COL5A2: variants seen among roughly 807,000 people sequenced by gnomAD.
COL5A2 encodes collagen alpha-2(V) chain.
A neutral mutation model predicts 208.2 loss-of-function variants in COL5A2; 23 were observed. The ratio of observed to expected loss-of-function variants is 0.11; its 90% confidence interval spans 0.08 to 0.16. The LOEUF is 0.16. Ranked by LOEUF, COL5A2 falls within the 10% of genes least tolerant of loss-of-function variation. The probability of loss-of-function intolerance (pLI) is 1.00; values close to 1 mark genes in which losing one functional copy is unlikely to be tolerated. For missense variants in COL5A2, 1,590 were observed against 1,956.4 expected (o/e 0.81, Z 3.53); for synonymous variants, 625 against 628.5 (o/e 0.99, Z 0.08).
chr2:189,126,591 T>C (rs1314365832), intron 1 of COL5A2, among the ~76,000 whole-genome samples: 2 of 152,110 alleles, frequency 1.3e-5, no homozygotes, highest in Non-Finnish European at 2.9e-5. Context: ...TAAATTAGGC[T>C]TTTTAGTAAA....
At chr2:189,335,282 A>G in the COL5A2 span, among the ~76,000 whole-genome samples, 7 of 152,096 alleles carry the variant, frequency 4.6e-5, no homozygotes. Context: ...ACAAACCACA[A>G]TCAACAGATT....
intron 1 of COL5A2, among the ~76,000 whole-genome samples, chr2:189,115,706 C>A (rs1687375796): frequency 6.6e-6 from 1 of 152,204 alleles, no homozygotes; most frequent in Non-Finnish European, 1.5e-5. Flanking sequence ...ACAGCCAGAA[C>A]TGTGTTTACC....
Position 189,148,699 on chromosome 2 carries a change from T to C in COL5A2, c.97+30809A>G, listed in dbSNP as rs78902802. 6.4e-3 allele frequency among the ~76,000 whole-genome samples: 975 copies of C among 152,274 alleles called. 11 individuals are homozygous for C. Among genetic ancestry groups the C allele is most frequent in the African/African-American group, 0.022 (909 of 41,550 alleles). The stretch of plus-strand genomic sequence containing the variant: ...GGAATGCATATTCTAGAATCATAGA[T>C]TTAGGTGAATCTTCATTTTTCCATA... On this transcript the variant is annotated intron_variant, in intron 1 of 53. Transcript: ENST00000374866.
chr2:189,296,652 TG>T, the COL5A2 span, among the ~76,000 whole-genome samples: 1 of 152,342 alleles, frequency 6.6e-6, no homozygotes, highest in East Asian at 1.9e-4. Flanking sequence ...CCCTTATTCC[TG>T]GGATATAGTT....
At chr2:189,251,638 T>C in the COL5A2 span, among the ~76,000 whole-genome samples, 2 of 147,814 alleles carry the variant, frequency 1.4e-5, no homozygotes, top group Non-Finnish European at 3.0e-5. Context: ...CTATTTCAAC[T>C]TTTCCCCTCA....
intron 42 of COL5A2, among the ~76,000 whole-genome samples, chr2:189,051,006 T>C (rs143548197): frequency 2.0e-3 from 297 of 152,204 alleles, no homozygotes; most frequent in African/African-American, 6.7e-3. Flanking sequence ...AAAAGAGTTA[T>C]CTAAACACAA....
the COL5A2 span, among the ~76,000 whole-genome samples, chr2:189,434,473 T>G: frequency 1.3e-5 from 2 of 152,190 alleles, no homozygotes; most frequent in African/African-American, 4.8e-5. Context: ...ATAAGCAACT[T>G]CAGCAAAGTC....
intron 1 of COL5A2, among the ~76,000 whole-genome samples, chr2:189,153,466 T>G (rs1396980748): frequency 1.3e-5 from 2 of 152,168 alleles, no homozygotes; most frequent in Non-Finnish European, 2.9e-5. Flanking sequence ...ACCCCAGTCA[T>G]GCATGCTTCA....
chr2:189,235,976 A>T, the COL5A2 span, among the ~76,000 whole-genome samples: 1 of 151,244 alleles, frequency 6.6e-6, no homozygotes, highest in Non-Finnish European at 1.5e-5. Context: ...TTCCAGGCAG[A>T]GGCTGCATAT....
the COL5A2 span, among the ~76,000 whole-genome samples, chr2:189,369,455 T>C: frequency 1.3e-5 from 2 of 152,162 alleles, no homozygotes; most frequent in East Asian, 1.9e-4. Flanking sequence ...ATTTCATTTT[T>C]GCTTTATTTT....
chr2:189,123,954 G>A (rs1687559358), intron 1 of COL5A2, among the ~76,000 whole-genome samples: 3 of 152,084 alleles, frequency 2.0e-5, no homozygotes, highest in East Asian at 3.9e-4. Context: ...TAAGGGGATG[G>A]CACATTTACA....
intron 1 of COL5A2, among the ~76,000 whole-genome samples, chr2:189,215,761 T>C (rs73980186): frequency 2.7e-4 from 41 of 152,270 alleles, no homozygotes; most frequent in African/African-American, 9.9e-4. Flanking sequence ...AAAAGTAGTT[T>C]CCCTGTCCAG....
the COL5A2 span, among the ~76,000 whole-genome samples, chr2:189,330,661 A>C: frequency 2.0e-5 from 3 of 152,212 alleles, no homozygotes; most frequent in African/African-American, 7.2e-5. Context: ...ACCAATGCTC[A>C]GGTCCCAAGC....
At chr2:189,310,456 C>G in the COL5A2 span, among the ~76,000 whole-genome samples, 1 of 151,916 alleles carries the variant, frequency 6.6e-6, no homozygotes, top group African/African-American at 2.4e-5. Flanking sequence ...AAAAATAAAC[C>G]CTTGTGCACT....
intron 1 of COL5A2, among the ~76,000 whole-genome samples, chr2:189,171,271 T>C (rs1483016175): frequency 6.6e-6 from 1 of 152,154 alleles, no homozygotes; most frequent in Non-Finnish European, 1.5e-5. Flanking sequence ...ACCTTATTCT[T>C]TCTACAAGTT....
chr2:189,325,694 A>C, the COL5A2 span, among the ~76,000 whole-genome samples: 1 of 152,310 alleles, frequency 6.6e-6, no homozygotes, highest in Non-Finnish European at 1.5e-5. Flanking sequence ...ATGTACTTAT[A>C]CTTTCACTCT....
the COL5A2 span, among the ~76,000 whole-genome samples, chr2:189,282,235 TA>T: frequency 1.3e-5 from 2 of 151,904 alleles, no homozygotes; most frequent in African/African-American, 2.4e-5. Flanking sequence ...AATCAAAGCA[TA>T]AAAATATAAC....
intron 9 of COL5A2, 21 bp downstream of exon 9, chr2:189,086,705 A>G (rs1479177795): frequency 2.6e-6 from 4 of 1,556,890 alleles, no homozygotes; most frequent in East Asian, 2.3e-5. Flanking sequence ...ACAGCATGTA[A>G]TTAATTATAA....
chr2:189,112,174 G>T (rs1687296805), intron 1 of COL5A2, among the ~76,000 whole-genome samples: 1 of 152,092 alleles, frequency 6.6e-6, no homozygotes, highest in South Asian at 2.1e-4. Flanking sequence ...TGTATAGCTT[G>T]ATGCTATACC....
Sources: gnomAD v4.1 joint callset for allele counts (sites outside exome capture counted in the v4.1 genomes callset) on GRCh38, gnomAD v4.1.1 for gene constraint, MANE v1.5 for transcripts, NCBI Gene and HGNC (gene_info 2026-07-23, HGNC 2026-07-21) for gene names.